Variants in RRP1B observed in about 807,000 individuals in gnomAD.
The protein encoded by RRP1B is ribosomal RNA processing 1B, also known as ribosomal RNA processing protein 1 homolog B.
RRP1B carries 56 observed loss-of-function variants against 80.2 expected under a neutral mutation model. That is an observed-to-expected ratio of 0.70 (90% CI 0.56 to 0.87). RRP1B has a LOEUF of 0.87. Ranked by LOEUF, RRP1B falls within the 40% of genes least tolerant of loss-of-function variation. The pLI, the probability that RRP1B is intolerant of heterozygous loss-of-function variation, is 0.00. For missense variants in RRP1B, 807 were observed against 939.8 expected, an observed-to-expected ratio of 0.86 and a Z score of 1.85; for synonymous variants, 351 against 357.6, an observed-to-expected ratio of 0.98 and a Z score of 0.21.
chr21:43,681,261 CAGATAGAT>C (rs372143608), intron 8 of RRP1B, among the ~76,000 whole-genome samples: 3,774 of 149,738 alleles, frequency 0.025, 67 homozygotes, highest in Non-Finnish European at 0.036. Flanking sequence ...AATAAATAAA[CAGATAGAT>C]AGATAGATAG....
chr21:43,691,385 C>A lies in RRP1B; in HGVS notation c.2020-54C>A. ...GGTTCTCCAGAAAAATCTGACTAAGCGCCTCCACTGCACTTGCGTCACTCC... is the reference window on the plus strand; with the variant it reads ...GGTTCTCCAGAAAAATCTGACTAAGAGCCTCCACTGCACTTGCGTCACTCC... On this transcript the variant is annotated intron_variant, in intron 14 of 15. Transcript: ENST00000340648. The surrounding 1 kb of genome is among the most constrained non-coding windows in gnomAD (Gnocchi z 4.2). The A allele has an allele frequency of 6.4e-7, 1 of 1,553,226 alleles. No homozygotes were observed. The highest frequency in any genetic ancestry group is 1.7e-4 in the Middle Eastern group (1 of 5,956).
chr21:43,695,738 T>C lies in RRP1B; in HGVS notation c.*2355T>C, dbSNP rs1454356336. ...AAAGGAAAATAATTTAAATTAATGC[T>C]GGTGATCTTAACAATATTTTGTAAA... is the stretch of plus-strand genomic sequence containing the variant. On this transcript the variant is annotated 3_prime_UTR_variant, in exon 16 of 16. Transcript: ENST00000340648. 6.6e-6 allele frequency: 1 copy of C among 152,240 alleles called. No individual in the cohort carries two copies. Among genetic ancestry groups the C allele is most frequent in the Non-Finnish European group, 1.5e-5 (1 of 68,048 alleles). The allele number at this position is 152,240 out of a possible 1,614,324, so 9.4% of individuals were successfully genotyped here. A position where few individuals can be genotyped will look rare whatever the true frequency, so the allele number is the denominator to read the frequency against.
intron 1 of RRP1B, 25 bp from the exon 2 acceptor site, chr21:43,669,859 A>G (rs763887895): frequency 9.0e-6 from 14 of 1,553,104 alleles, no homozygotes; most frequent in Non-Finnish European, 1.2e-5. Flanking sequence ...AGACTCTAAG[A>G]TGTTTGTATT....
chr21:43,683,262 T>C lies in RRP1B; in HGVS notation c.797-17T>C, dbSNP rs2083050545. ...TTTGATATGTCAATAATTTGGTCTT[T>C]GGGTATATTTTGACAGCACTGGGCA... On this transcript the variant is annotated splice_polypyrimidine_tract_variant and intron_variant, in intron 8 of 15. Transcript: ENST00000340648. 6.2e-7 allele frequency: 1 copy of C among 1,602,814 alleles called. No individual in the cohort carries two copies.
chr21:43,668,376 T>TA, intron 1 of RRP1B, among the ~76,000 whole-genome samples: 1 of 150,262 alleles, frequency 6.7e-6, no homozygotes, highest in African/African-American at 2.4e-5. Flanking sequence ...TTTTTTTTTT[T>TA]AAGAGACGGA....
In RRP1B at chr21:43,688,201, C is replaced by T. The variant is rs200369968; in HGVS notation, c.1827C>T (p.Asn609=). Residue 609 remains asparagine (N), a synonymous_variant, in exon 13 of 16, where the codon AAC becomes AAT. Coordinates refer to ENST00000340648, the MANE Select transcript of RRP1B (RefSeq NM_015056.3). ...TGATGTCAAACTTGGTGGAGCACAA[C>T]GGGGTGCTGGAGTCCGAAGCTGGGC... ...MRVMSNLVEH[N]GVLESEAGQP... The T allele has an allele frequency of 9.4e-5, 148 of 1,574,244 alleles. 2 individuals carry two copies. In the East Asian group the frequency reaches 2.5e-3, roughly 27 times the overall value.
chr21:43,667,728 T>A (rs1004062971), intron 1 of RRP1B, among the ~76,000 whole-genome samples: 2 of 151,764 alleles, frequency 1.3e-5, no homozygotes, highest in Non-Finnish European at 2.9e-5. Context: ...TCTAGTGGGG[T>A]TTATTACTCA....
chr21:43,683,349 T>G lies in RRP1B; in HGVS notation c.867T>G (p.Phe289Leu). The part of the protein sequence containing the change: ...DERGRDDCGT[F>L]EDTGPLLQFD... ...GAGGAAGAGATGACTGTGGAACCTT[T>G]GAGGACACAGGGCCCCTTCTCCAGG... Residue 289 changes from phenylalanine (F) to leucine (L), a missense_variant, in exon 9 of 16, where the codon TTT (phenylalanine) becomes TTG (leucine). Physicochemically the swap from Phe to Leu is conservative, Grantham distance 22 (BLOSUM62 0). Transcript: ENST00000340648. 1 of 1,614,120 alleles carries G rather than the reference T, an allele frequency of 6.2e-7. No homozygotes were observed. The highest frequency in any genetic ancestry group is 8.5e-7 in the Non-Finnish European group (1 of 1,179,946).
At position 43,684,546 on chromosome 21, in the gene RRP1B, T is replaced by C; in HGVS notation, c.892-7T>C. 1 of 1,613,440 alleles carries C rather than the reference T, an allele frequency of 6.2e-7. No homozygotes were observed. The highest frequency in any genetic ancestry group is 1.1e-5 in the South Asian group (1 of 91,078). ...CAGACTTATGTTTAGTTTCTCTTCC[T>C]GCCTAGTTTGACTATAAGGCTGTTG... On this transcript the variant is annotated splice_polypyrimidine_tract_variant and splice_region_variant and intron_variant, in intron 9 of 15. Coordinates refer to ENST00000340648, the MANE Select transcript of RRP1B (RefSeq NM_015056.3).
At chr21:43,684,480 A>G (rs2083055912) in intron 9 of RRP1B, 73 bp from the exon 10 acceptor site, 2 of 1,273,092 alleles carry the variant, frequency 1.6e-6, no homozygotes, top group Admixed American at 3.4e-5. Flanking sequence ...TTCTCTTACT[A>G]GCAGATGTAA....
chr21:43,663,934 T>C (rs1049132095), intron 1 of RRP1B, among the ~76,000 whole-genome samples: 1 of 152,140 alleles, frequency 6.6e-6, no homozygotes, highest in African/African-American at 2.4e-5. Context: ...GTTTAAGAAA[T>C]TTAGCCCCAA....
rs998939471 is a variant in RRP1B at position 43,691,056 on chromosome 21, T to C, written c.2020-383T>C. 3.6e-4 allele frequency among the ~76,000 whole-genome samples: 55 copies of C among 152,178 alleles called. No homozygotes were observed. The highest frequency in any genetic ancestry group is 1.2e-3 in the African/African-American group (50 of 41,438). On this transcript the variant is annotated intron_variant, in intron 14 of 15. Transcript: ENST00000340648. This position sits in a 1 kb window ranked among gnomAD's most constrained non-coding sequence, Gnocchi z 4.2. ...GGCAGGGGAGTCTTGGCATTTTTCC[T>C]CACGGGTTCTCAGTGGTGAACTGTT...
chr21:43,681,109 C>T (rs1028678078), intron 8 of RRP1B, among the ~76,000 whole-genome samples: 16 of 151,964 alleles, frequency 1.1e-4, no homozygotes, highest in East Asian at 5.9e-4. Flanking sequence ...GGTATGGTGG[C>T]GGTCGCCTAT....
intron 3 of RRP1B, 95 bp downstream of exon 3, chr21:43,672,460 A>G (rs2083003776): frequency 1.9e-6 from 2 of 1,036,992 alleles, no homozygotes; most frequent in Non-Finnish European, 3.0e-6. Flanking sequence ...GTCAGGGGAC[A>G]AGCCATTCCT....
In RRP1B at chr21:43,672,302, C is replaced by G. The variant is rs1295186300; in HGVS notation, c.214-6C>G. ...CCCATGTTTCTCCCCAACCCCGCCT[C>G]TGCAGGAAGAGCTCGCCAACACCAT... On this transcript the variant is annotated splice_polypyrimidine_tract_variant and splice_region_variant and intron_variant, in intron 2 of 15. Transcript: ENST00000340648. 6.2e-7 allele frequency: 1 copy of G among 1,614,130 alleles called. No homozygotes were observed. Among genetic ancestry groups the G allele is most frequent in the Admixed American group, 1.7e-5 (1 of 60,028 alleles).
At position 43,662,506 on chromosome 21, in the gene RRP1B, C is replaced by T. The variant is rs188691093; in HGVS notation, c.130+2712C>T. Among the ~76,000 whole-genome samples the T allele has an allele frequency of 6.8e-4, 104 of 152,372 alleles. 1 individual carries two copies. The highest frequency in any genetic ancestry group is 1.2e-3 in the Non-Finnish European group (83 of 68,040). On this transcript the variant is annotated intron_variant, in intron 1 of 15. Coordinates refer to ENST00000340648, the MANE Select transcript of RRP1B (RefSeq NM_015056.3). ...TTCGACTCCCGATGACAGGCTCCAA[C>T]TTTTCTGCATCTTGTCTTAGGCATC...
intron 8 of RRP1B, among the ~76,000 whole-genome samples, chr21:43,679,274 C>T (rs2083034389): frequency 6.8e-6 from 1 of 147,928 alleles, no homozygotes; most frequent in Non-Finnish European, 1.5e-5. Flanking sequence ...TTTTTGGCGG[C>T]GGGGAGGGGA....
rs1027199016 is a variant in RRP1B, at chr21:43,691,844, A to G, written c.2083+342A>G. 6.6e-6 allele frequency among the ~76,000 whole-genome samples: 1 copy of G among 151,896 alleles called. No individual in the cohort carries two copies. The highest frequency in any genetic ancestry group is 2.4e-5 in the African/African-American group (1 of 41,346). ...GTATTTTTAGTAAAGATGGAGTTTC[A>G]CCATGTCAGCCAGGCTGGTCTCAAA... On this transcript the variant is annotated intron_variant, in intron 15 of 15. Transcript: ENST00000340648. This position sits in a 1 kb window ranked among gnomAD's most constrained non-coding sequence, Gnocchi z 4.2.
chr21:43,668,899 A>G (rs1394915060), intron 1 of RRP1B, among the ~76,000 whole-genome samples: 3 of 152,120 alleles, frequency 2.0e-5, no homozygotes, highest in African/African-American at 4.8e-5. Flanking sequence ...CTGTACACCT[A>G]CCTTATCATT....
Sources: gnomAD v4.1 joint callset for allele counts (sites outside exome capture counted in the v4.1 genomes callset) on GRCh38, gnomAD v4.1.1 for gene constraint, Gnocchi (gnomAD v3.1) non-coding constraint, MANE v1.5 for transcripts, NCBI Gene and HGNC (gene_info 2026-07-23, HGNC 2026-07-21) for gene names.